The following TLN2 variants were observed in gnomAD, a reference collection of about 807,000 sequenced individuals.
The protein encoded by TLN2 is talin 2.
Under a neutral mutation model 294.7 loss-of-function variants are expected in TLN2, and 118 were observed. That is an observed-to-expected ratio of 0.40 (90% CI 0.34 to 0.47). The LOEUF (loss-of-function observed/expected upper bound fraction) is 0.47. Among genes scored for constraint, TLN2 ranks in the 20% least tolerant of loss-of-function variants. The pLI is 0.84. For missense variants in TLN2, 3,083 were observed against 3,282.2 expected (o/e 0.94, Z 1.48); for synonymous variants, 1,431 against 1,304.5 (o/e 1.10, Z -2.09).
intron 1 of TLN2, among the ~76,000 whole-genome samples, chr15:62,561,713 C>A (rs959326204): frequency 6.7e-6 from 1 of 149,456 alleles, no homozygotes; most frequent in Non-Finnish European, 1.5e-5. Flanking sequence ...TGTGCCTGAT[C>A]GCCTGCTGCT....
rs563695782 is a variant in TLN2 at position 62,584,502 on chromosome 15, T to C, written c.-237-5185T>C. On this transcript the variant is annotated intron_variant, in intron 1 of 58. Transcript: ENST00000636159. ...GTTGACGCTGTCTACTTGCTCTTCA[T>C]TGAGTTTCCTTTGACCCTGGCCCAA... Among the ~76,000 whole-genome samples, 12 of 152,330 alleles carry C rather than the reference T, an allele frequency of 7.9e-5. No homozygotes were observed. The South Asian group carries it at 2.1e-3, about 26-fold the overall frequency.
chr15:62,729,209 A>G (rs2060590719), intron 28 of TLN2, among the ~76,000 whole-genome samples: 1 of 152,214 alleles, frequency 6.6e-6, no homozygotes, highest in African/African-American at 2.4e-5. Context: ...CTGTTCTTAT[A>G]TTAGTACTAT....
chr15:62,539,091 G>A (rs1413681335), intron 1 of TLN2, among the ~76,000 whole-genome samples: 1 of 152,192 alleles, frequency 6.6e-6, no homozygotes, highest in Non-Finnish European at 1.5e-5. Context: ...TAGCTTACCT[G>A]CCGGCAAAGA....
At position 62,708,709 on chromosome 15, in the gene TLN2, C is replaced by A. The variant is rs970513400; in HGVS notation, c.2380C>A (p.Arg794=). Residue 794 remains arginine, a synonymous_variant, in exon 21 of 59, where the codon CGA becomes AGA. Coordinates refer to ENST00000636159, the MANE Select transcript of TLN2 (RefSeq NM_015059.3). The part of the protein sequence containing the change: ...LLQHVRQFAS[R]GEPIGRYDQA... ...GCAGCATGTGCGGCAGTTTGCCAGC[C>A]GAGGCGAGCCCATCGGCCGCTACGA... 1 of 1,613,538 alleles carries A rather than the reference C, an allele frequency of 6.2e-7. No individual in the cohort carries two copies. The highest frequency in any genetic ancestry group is 8.5e-7 in the Non-Finnish European group (1 of 1,180,030).
intron 1 of TLN2, among the ~76,000 whole-genome samples, chr15:62,460,972 G>A (rs1259270566): frequency 6.6e-6 from 1 of 151,976 alleles, no homozygotes; most frequent in Non-Finnish European, 1.5e-5. Flanking sequence ...TTAAGACAGA[G>A]TCTCGCTCTG....
intron 28 of TLN2, among the ~76,000 whole-genome samples, chr15:62,732,173 A>G (rs2060766679): frequency 6.6e-6 from 1 of 152,222 alleles, no homozygotes; most frequent in African/African-American, 2.4e-5. Context: ...AAATGTCTAC[A>G]CTTTCCCGAA....
chr15:62,543,677 C>T (rs1356024821), intron 1 of TLN2, among the ~76,000 whole-genome samples: 4 of 151,634 alleles, frequency 2.6e-5, no homozygotes, highest in Non-Finnish European at 4.4e-5. Flanking sequence ...GTTGCTTGAA[C>T]CCAGGAGGCG....
In TLN2 at chr15:62,618,606, C is replaced by T. The variant is rs182561504; in HGVS notation, c.-37+131C>T. Among the ~76,000 whole-genome samples, 43 of 152,318 alleles carry T rather than the reference C, an allele frequency of 2.8e-4. No individual in the cohort carries two copies. The East Asian group carries it at 7.7e-3, about 27-fold the overall frequency. On this transcript the variant is annotated intron_variant, in intron 3 of 58. Coordinates refer to ENST00000636159, the MANE Select transcript of TLN2 (RefSeq NM_015059.3). Reference sequence around the variant, plus strand: ...ACTGATGAGGGCCTGCGTCTCTGTCCATCCCCTGGAGGAAGGAATGACAGA... The same window carrying T: ...ACTGATGAGGGCCTGCGTCTCTGTCTATCCCCTGGAGGAAGGAATGACAGA...
At chr15:62,722,758 G>A (rs1032884187) in intron 26 of TLN2, among the ~76,000 whole-genome samples, 14 of 152,106 alleles carry the variant, frequency 9.2e-5, no homozygotes, top group African/African-American at 3.4e-4. Flanking sequence ...CCATATCCTG[G>A]AACAAGCAGT....
intron 4 of TLN2, among the ~76,000 whole-genome samples, chr15:62,648,404 C>CAAA (rs66528062): frequency 7.6e-4 from 47 of 61,876 alleles, no homozygotes; most frequent in East Asian, 2.3e-3. Context: ...GACCCTGACT[C>CAAA]AAAAAAAAAA....
chr15:62,603,178 C>T (rs1401682597), intron 2 of TLN2, among the ~76,000 whole-genome samples: 1 of 152,196 alleles, frequency 6.6e-6, no homozygotes, highest in Non-Finnish European at 1.5e-5. Flanking sequence ...AGGCGTGAGC[C>T]ACCGCGCCCG....
intron 45 of TLN2, among the ~76,000 whole-genome samples, chr15:62,788,156 C>A (rs1165359132): frequency 2.0e-5 from 3 of 151,488 alleles, no homozygotes; most frequent in Non-Finnish European, 4.4e-5. Context: ...ACTACAAATA[C>A]AAAAATTAGC....
chr15:62,782,561 C>T (rs565844284), intron 44 of TLN2, among the ~76,000 whole-genome samples: 9 of 152,324 alleles, frequency 5.9e-5, no homozygotes, highest in African/African-American at 1.9e-4. Flanking sequence ...CATGGCCACT[C>T]CTGAGATAAC....
chr15:62,657,906 A>G lies in TLN2; in HGVS notation c.788+8A>G, dbSNP rs1448611086. On this transcript the variant is annotated splice_region_variant and intron_variant, in intron 9 of 58. Coordinates refer to ENST00000636159, the MANE Select transcript of TLN2 (RefSeq NM_015059.3). ...CAAACCTGGATTTTTAGAGTAAATGACATTTTGTTTCTCTTTTTTCTCTTT... is the reference window on the plus strand; with the variant it reads ...CAAACCTGGATTTTTAGAGTAAATGGCATTTTGTTTCTCTTTTTTCTCTTT... The G allele has an allele frequency of 1.2e-6, 2 of 1,607,506 alleles. No individual in the cohort carries two copies. Among genetic ancestry groups the G allele is most frequent in the Admixed American group, 3.4e-5 (2 of 58,662 alleles).
chr15:62,653,154 A>T lies in TLN2; in HGVS notation c.365-8A>T, dbSNP rs1345764682. On this transcript the variant is annotated splice_region_variant and splice_polypyrimidine_tract_variant and intron_variant, in intron 6 of 58. Coordinates refer to ENST00000636159, the MANE Select transcript of TLN2 (RefSeq NM_015059.3). ...ATTTATAATTATAACCTAATTTCCA[A>T]TGTTTAGGAATAACAAATTATGAAG... 53 of 1,537,674 alleles carry T rather than the reference A, an allele frequency of 3.4e-5. No homozygotes were observed. Among genetic ancestry groups the T allele is most frequent in the Non-Finnish European group, 4.3e-5 (49 of 1,142,828 alleles).
chr15:62,449,665 CTTGGGAGGCTGAA>C, intron 1 of TLN2, among the ~76,000 whole-genome samples: 1 of 151,964 alleles, frequency 6.6e-6, no homozygotes, highest in African/African-American at 2.4e-5. Flanking sequence ...GTCCCAGCGA[CTTGGGAGGCTGAA>C]GTGGGAGGAC....
intron 2 of TLN2, among the ~76,000 whole-genome samples, chr15:62,591,397 A>G (rs894808922): frequency 6.6e-6 from 1 of 152,182 alleles, no homozygotes; most frequent in African/African-American, 2.4e-5. Context: ...AAAGAAAGGT[A>G]CTTTACCTGT....
Position 62,840,514 on chromosome 15 carries a change from A to C in TLN2, c.7533A>C (p.Lys2511Asn). Residue 2511 changes from lysine to asparagine, a missense_variant, in exon 59 of 59, where the codon AAA becomes AAC. Transcript: ENST00000636159. ...IIAAQEEMLK[K>N]ERELEEARKK... ...CCGCCCAGGAAGAAATGCTAAAGAA[A>C]GAGCGAGAACTGGAAGAAGCAAGGA... 1 of 1,614,226 alleles carries C rather than the reference A, an allele frequency of 6.2e-7. No individual in the cohort carries two copies. Among genetic ancestry groups the C allele is most frequent in the Non-Finnish European group, 8.5e-7 (1 of 1,180,046 alleles).
chr15:62,452,044 C>T (rs2036184740), intron 1 of TLN2, among the ~76,000 whole-genome samples: 1 of 152,134 alleles, frequency 6.6e-6, no homozygotes, highest in African/African-American at 2.4e-5. Context: ...CCGAGGCTTT[C>T]CTGTCGCCTG....
Sources: allele counts gnomAD v4.1 joint callset (sites outside exome capture counted in the v4.1 genomes callset), GRCh38; gene constraint gnomAD v4.1.1; transcripts MANE v1.5; gene names NCBI Gene and HGNC (gene_info 2026-07-23, HGNC 2026-07-21).